The following NRCAM variants were observed in gnomAD, a reference collection of about 807,000 sequenced individuals.
The protein encoded by NRCAM is neuronal cell adhesion molecule.
NRCAM carries 83 observed loss-of-function variants against 156.5 expected under a neutral mutation model. That is an observed-to-expected ratio of 0.53 (90% CI 0.44 to 0.64). NRCAM has a LOEUF of 0.64. Ranked by LOEUF, NRCAM falls within the 30% of genes least tolerant of loss-of-function variation. The probability of loss-of-function intolerance (pLI) is 0.00; values close to 1 mark genes in which losing one functional copy is unlikely to be tolerated. For missense variants in NRCAM, 1,417 were observed against 1,597.3 expected (o/e 0.89, Z 1.92); for synonymous variants, 538 against 563.9 (o/e 0.95, Z 0.65).
At chr7:108,266,923 AT>A (rs1424396414) in intron 3 of NRCAM, among the ~76,000 whole-genome samples, 7 of 145,260 alleles carry the variant, frequency 4.8e-5, no homozygotes, top group Admixed American at 1.4e-4. Context: ...AAGTTATCCT[AT>A]TACAGTTTTA....
At chr7:108,162,883 T>A (rs1032361362) in intron 30 of NRCAM, among the ~76,000 whole-genome samples, 2 of 152,158 alleles carry the variant, frequency 1.3e-5, no homozygotes, top group Non-Finnish European at 2.9e-5. Context: ...TGACTTTCCA[T>A]CCATAAAAGA....
chr7:108,159,737 C>T (rs765368374), intron 31 of NRCAM, among the ~76,000 whole-genome samples, 196 bp from the exon 32 acceptor site: 2 of 152,128 alleles, frequency 1.3e-5, no homozygotes, highest in Admixed American at 6.6e-5. Context: ...ATAGAATGTA[C>T]ATTTTTTAAC....
intron 3 of NRCAM, among the ~76,000 whole-genome samples, chr7:108,292,802 G>C (rs1223170192): frequency 6.6e-6 from 1 of 152,148 alleles, no homozygotes; most frequent in Non-Finnish European, 1.5e-5. Context: ...CACAGAGAAA[G>C]CATTAGGAAA....
intron 30 of NRCAM, among the ~76,000 whole-genome samples, chr7:108,165,140 G>C (rs1325184448): frequency 6.6e-6 from 1 of 152,166 alleles, no homozygotes; most frequent in East Asian, 1.9e-4. Flanking sequence ...GCCTGCAGGG[G>C]TCCAGAATCA....
Position 108,189,717 on chromosome 7 carries a change from G to T in NRCAM, c.1963C>A (p.Leu655Met). The T allele has an allele frequency of 6.5e-7, 1 of 1,540,024 alleles. No individual in the cohort carries two copies. Among genetic ancestry groups the T allele is most frequent in the Middle Eastern group, 1.7e-4 (1 of 5,932 alleles). The change falls in exon 20 of 33, where the codon CTG (leucine) becomes ATG (methionine). Residue 655 changes from leucine (L) to methionine (M), a missense_variant. This residue lies in a region of NRCAM where 1,238 missense variants were observed against 1,336.4 expected (regional missense o/e 0.93). Transcript: ENST00000379028. ...DVPNPPFDLE[L>M]TDQLDKSVQL... ...ACACTTTTGTCAAGTTGATCTGTCA[G>T]TTCTAAGTCAAAGGGAGGATTTGGG...
intron 3 of NRCAM, among the ~76,000 whole-genome samples, chr7:108,264,732 T>C (rs1005893859): frequency 3.3e-5 from 5 of 151,990 alleles, no homozygotes; most frequent in Non-Finnish European, 5.9e-5. Context: ...ACCTAATAAC[T>C]CTCTTTCCCT....
chr7:108,215,507 G>C (rs60426626), intron 11 of NRCAM, among the ~76,000 whole-genome samples: 2 of 151,884 alleles, frequency 1.3e-5, no homozygotes, highest in Non-Finnish European at 2.9e-5. Context: ...GAGCCACCGC[G>C]CCTGGCCATC....
chr7:108,187,630 A>G (rs2067809723), intron 20 of NRCAM, among the ~76,000 whole-genome samples: 1 of 152,206 alleles, frequency 6.6e-6, no homozygotes, highest in African/African-American at 2.4e-5. Flanking sequence ...TGAGTCCTCT[A>G]GGGAGCAAAG....
intron 3 of NRCAM, among the ~76,000 whole-genome samples, chr7:108,302,340 G>A (rs541387463): frequency 6.6e-6 from 1 of 152,154 alleles, no homozygotes; most frequent in South Asian, 2.1e-4. Context: ...GGTTTCTACA[G>A]CTAGTTCTCT....
At chr7:108,235,855 G>A (rs1053525574) in intron 5 of NRCAM, among the ~76,000 whole-genome samples, 1 of 152,146 alleles carries the variant, frequency 6.6e-6, no homozygotes, top group Non-Finnish European at 1.5e-5. Context: ...AGGCTGAAAA[G>A]TTCTGAGGCA....
At chr7:108,159,241 C>A (rs750332126) in intron 32 of NRCAM, 1 of 697,788 alleles carries the variant, frequency 1.4e-6, no homozygotes, top group Non-Finnish European at 2.7e-6. Flanking sequence ...GGGAGACATT[C>A]CATCTCCAAA....
intron 2 of NRCAM, among the ~76,000 whole-genome samples, chr7:108,344,021 T>C (rs376369815): frequency 2.0e-5 from 3 of 152,294 alleles, no homozygotes; most frequent in East Asian, 3.9e-4. Context: ...GCCCATGCTC[T>C]GATGTTAATG....
intron 2 of NRCAM, among the ~76,000 whole-genome samples, chr7:108,395,490 C>A (rs983011414): frequency 2.6e-5 from 4 of 152,146 alleles, no homozygotes; most frequent in Non-Finnish European, 4.4e-5. Flanking sequence ...CTTTTTAAAA[C>A]CCCACATTAT....
At chr7:108,220,684 T>C (rs151224691) in intron 11 of NRCAM, among the ~76,000 whole-genome samples, 1 of 152,318 alleles carries the variant, frequency 6.6e-6, no homozygotes, top group East Asian at 1.9e-4. Flanking sequence ...TCTCACCTTA[T>C]ATAAAAACCA....
At chr7:108,157,753 G>GT (rs2046419943) in intron 32 of NRCAM, among the ~76,000 whole-genome samples, 1 of 152,240 alleles carries the variant, frequency 6.6e-6, no homozygotes, top group South Asian at 2.1e-4. Flanking sequence ...TCACATCGCT[G>GT]TAAGAGCAAG....
intron 1 of NRCAM, among the ~76,000 whole-genome samples, chr7:108,401,655 G>A (rs545799651): frequency 6.6e-6 from 1 of 152,150 alleles, no homozygotes; most frequent in Non-Finnish European, 1.5e-5. Context: ...CTCTGACCTA[G>A]GTACTATTAT....
intron 2 of NRCAM, among the ~76,000 whole-genome samples, chr7:108,330,971 T>C (rs560436949): frequency 3.9e-5 from 6 of 152,362 alleles, no homozygotes; most frequent in African/African-American, 1.2e-4. Context: ...TTAGTTATGC[T>C]TAGTATCCAT....
chr7:108,280,226 C>T (rs537835945), intron 3 of NRCAM, among the ~76,000 whole-genome samples: 1 of 152,288 alleles, frequency 6.6e-6, no homozygotes, highest in Admixed American at 6.5e-5. Context: ...TCCCAACAGG[C>T]GAATGAACTT....
At chr7:108,345,523 AAACCCT>A (rs1345743038) in intron 2 of NRCAM, among the ~76,000 whole-genome samples, 1 of 152,208 alleles carries the variant, frequency 6.6e-6, no homozygotes, top group Non-Finnish European at 1.5e-5. Flanking sequence ...TCATATAGTG[AAACCCT>A]AATCTTCAAT....
Sources: allele counts gnomAD v4.1 joint callset (sites outside exome capture counted in the v4.1 genomes callset), GRCh38; gene constraint gnomAD v4.1.1; regional missense constraint gnomAD v4.1.1; transcripts MANE v1.5; gene names NCBI Gene and HGNC (gene_info 2026-07-23, HGNC 2026-07-21).